MROH2B: variants seen among roughly 807,000 people sequenced by gnomAD.
MROH2B encodes maestro heat-like repeat-containing protein family member 2B.
Under a neutral mutation model 208.6 loss-of-function variants are expected in MROH2B, and 177 were observed. That is an observed-to-expected ratio of 0.85 (90% confidence interval 0.75 to 0.96). The LOEUF is 0.96. MROH2B is among the 40% of genes least tolerant of loss of function. The pLI is 0.00. For missense variants in MROH2B, 2,002 were observed against 1,878.7 expected (o/e 1.07, Z -1.21); for synonymous variants, 728 against 659.0 (o/e 1.10, Z -1.60).
chr5:41,065,204 C>T (rs1483557771), intron 4 of MROH2B, 127 bp downstream of exon 4: 2 of 957,790 alleles, frequency 2.1e-6, no homozygotes, highest in Admixed American at 5.9e-5. Context: ...CCACATCCCT[C>T]TGTCAATATT....
chr5:41,000,644 G>A, intron 38 of MROH2B, 34 bp downstream of exon 38: 1 of 1,583,790 alleles, frequency 6.3e-7, no homozygotes, highest in Non-Finnish European at 8.6e-7. Flanking sequence ...CATGGGGAGA[G>A]CAGGAGGTGC....
chr5:41,028,715 C>G (rs1742464448), intron 24 of MROH2B, among the ~76,000 whole-genome samples: 5 of 152,224 alleles, frequency 3.3e-5, no homozygotes. Flanking sequence ...CATTCATTGA[C>G]AGACACCTAG....
chr5:41,029,221 G>C (rs1742482781), intron 24 of MROH2B, among the ~76,000 whole-genome samples: 2 of 152,072 alleles, frequency 1.3e-5, no homozygotes, highest in Non-Finnish European at 2.9e-5. Flanking sequence ...CCATAATTAT[G>C]AGTGATATTA....
chr5:41,026,677 G>A (rs1366327291), intron 24 of MROH2B, among the ~76,000 whole-genome samples: 3 of 152,026 alleles, frequency 2.0e-5, no homozygotes, highest in Non-Finnish European at 4.4e-5. Context: ...ATAGAATTGG[G>A]AAAAAGCTAC....
At chr5:40,999,923 G>A (rs1741332377) in intron 39 of MROH2B, 144 bp from the exon 40 acceptor site, 8 of 745,188 alleles carry the variant, frequency 1.1e-5, no homozygotes, top group Non-Finnish European at 1.7e-5. Context: ...ATTGTCTTAT[G>A]GGTATTTTGA....
intron 26 of MROH2B, 23 bp from the exon 27 acceptor site, chr5:41,018,453 T>C (rs755322081): frequency 8.1e-6 from 13 of 1,602,234 alleles, no homozygotes; most frequent in Non-Finnish European, 6.8e-6. Context: ...GAATAAATGT[T>C]CTTTCCTTAG....
intron 40 of MROH2B, 127 bp downstream of exon 40, chr5:40,999,550 C>T (rs1012808906): frequency 4.6e-6 from 3 of 648,322 alleles, no homozygotes; most frequent in Admixed American, 3.4e-5. Context: ...GATAAAAGCC[C>T]TTTCTGGGCT....
At chr5:41,009,135 A>G (rs937514165) in intron 32 of MROH2B, 145 bp downstream of exon 32, 25 of 1,145,412 alleles carry the variant, frequency 2.2e-5, no homozygotes, top group Non-Finnish European at 2.9e-5. Flanking sequence ...ACAAAAGTAG[A>G]GCCACAACTA....
chr5:41,008,626 C>T lies in MROH2B; in HGVS notation c.3588G>A (p.Gln1196=), dbSNP rs1422264400. 3 of 1,613,798 alleles carry T rather than the reference C, an allele frequency of 1.9e-6. 1 individual carries two copies. In the South Asian group the frequency reaches 3.3e-5, roughly 18 times the overall value. ...TTTACCTGCAGGGGTCTGGGATCTG[C>T]TGCTGTTCTCCCTGCTGCATCACAT... ...RRHVMQQGEQ[Q]QIPDPCRLST... Residue 1196 remains glutamine (Q), a synonymous_variant, in exon 33 of 42, where the codon CAG becomes CAA. Coordinates refer to ENST00000399564, the MANE Select transcript of MROH2B (RefSeq NM_173489.5).
chr5:41,031,491 C>T (rs546025982), intron 24 of MROH2B, among the ~76,000 whole-genome samples: 1 of 152,166 alleles, frequency 6.6e-6, no homozygotes, highest in African/African-American at 2.4e-5. Context: ...GACCAAAATG[C>T]TGGCAATGGG....
intron 24 of MROH2B, among the ~76,000 whole-genome samples, chr5:41,022,712 G>A (rs940336723): frequency 5.9e-5 from 9 of 151,944 alleles, no homozygotes; most frequent in Non-Finnish European, 1.0e-4. Flanking sequence ...TGGTTCTCCC[G>A]GCACGAAGAT....
At chr5:41,029,702 A>G (rs908057031) in intron 24 of MROH2B, among the ~76,000 whole-genome samples, 4 of 152,162 alleles carry the variant, frequency 2.6e-5, no homozygotes, top group Non-Finnish European at 4.4e-5. Context: ...AAGCTTGAAG[A>G]TCTTGAATTT....
intron 28 of MROH2B, among the ~76,000 whole-genome samples, chr5:41,017,001 T>C (rs1741976928): frequency 6.6e-6 from 1 of 152,180 alleles, no homozygotes; most frequent in Admixed American, 6.5e-5. Context: ...ATATTGGAAC[T>C]GCAATATCTC....
chr5:41,054,977 G>T, intron 10 of MROH2B, 137 bp from the exon 11 acceptor site: 2 of 511,740 alleles, frequency 3.9e-6, no homozygotes, highest in Non-Finnish European at 3.4e-6. Context: ...GTTTTTCAAT[G>T]CCCTCCCATC....
intron 33 of MROH2B, 97 bp downstream of exon 33, chr5:41,008,509 G>A (rs1158483766): frequency 2.9e-6 from 4 of 1,366,148 alleles, no homozygotes; most frequent in African/African-American, 2.9e-5. Flanking sequence ...GACAATGGAT[G>A]CTATGACAGA....
chr5:41,014,844 A>G (rs1350977830), intron 29 of MROH2B, among the ~76,000 whole-genome samples: 1 of 151,966 alleles, frequency 6.6e-6, no homozygotes, highest in African/African-American at 2.4e-5. Flanking sequence ...CTCAGTTATC[A>G]TTATCTGATA....
intron 15 of MROH2B, among the ~76,000 whole-genome samples, chr5:41,048,756 T>C (rs906767536): frequency 1.3e-5 from 2 of 152,102 alleles, no homozygotes; most frequent in Admixed American, 1.3e-4. Flanking sequence ...AATAAAGGCA[T>C]GAGGAAATAG....
chr5:41,012,766 TCAAC>T (rs1342431366), intron 29 of MROH2B, 31 bp from the exon 30 acceptor site: 1 of 1,611,842 alleles, frequency 6.2e-7, no homozygotes, highest in South Asian at 1.1e-5. Flanking sequence ...ATTCGTGTAA[TCAAC>T]CACCCCATTT....
intron 24 of MROH2B, among the ~76,000 whole-genome samples, chr5:41,028,780 A>T (rs1240673388): frequency 3.3e-5 from 5 of 152,184 alleles, no homozygotes; most frequent in Non-Finnish European, 1.5e-5. Context: ...ATGGTGGTAC[A>T]GATAACTTAA....
Sources: gnomAD v4.1 joint callset for allele counts (sites outside exome capture counted in the v4.1 genomes callset) on GRCh38, gnomAD v4.1.1 for gene constraint, MANE v1.5 for transcripts, NCBI Gene and HGNC (gene_info 2026-07-23, HGNC 2026-07-21) for gene names.